RBFOX3: variants seen among roughly 807,000 people sequenced by gnomAD.
RBFOX3 encodes the protein RNA binding protein fox-1 homolog 3.
In RBFOX3, 17 loss-of-function variants were observed where a neutral mutation model predicts 48.7. The ratio of observed to expected loss-of-function variants is 0.35; its 90% confidence interval spans 0.24 to 0.52. RBFOX3 has a LOEUF of 0.52. Among genes scored for constraint, RBFOX3 ranks in the 20% least tolerant of loss-of-function variants. The pLI is 0.94. For synonymous variants in RBFOX3, 212 were observed against 209.5 expected (o/e 1.01, Z -0.10); for missense variants, 382 against 497.5 (o/e 0.77, Z 2.21).
intron 4 of RBFOX3, among the ~76,000 whole-genome samples, chr17:79,157,894 G>A (rs67762970): frequency 0.28 from 42,908 of 152,126 alleles, 7,897 homozygotes; most frequent in African/African-American, 0.53. Flanking sequence ...TGCAAGCTAG[G>A]ATGGGGCTAG....
chr17:79,617,995 G>A, the RBFOX3 span, among the ~76,000 whole-genome samples: 2 of 152,194 alleles, frequency 1.3e-5, no homozygotes, highest in African/African-American at 2.4e-5. Context: ...CTCCATATCA[G>A]TGCCCAGTGG....
intron 3 of RBFOX3, among the ~76,000 whole-genome samples, chr17:79,303,855 G>C (rs1190239453): frequency 6.7e-6 from 1 of 149,296 alleles, no homozygotes; most frequent in Non-Finnish European, 1.5e-5. Context: ...GTCTGCCTGT[G>C]TGTGTGTGTG....
At chr17:79,610,607 C>G (rs1290296273) in intron 1 of RBFOX3, among the ~76,000 whole-genome samples, 1 of 152,006 alleles carries the variant, frequency 6.6e-6, no homozygotes, top group African/African-American at 2.4e-5. Flanking sequence ...ACCCCAGCCC[C>G]GGAGGGACCC....
intron 2 of RBFOX3, among the ~76,000 whole-genome samples, chr17:79,388,595 C>A (rs1219894482): frequency 6.6e-6 from 1 of 152,186 alleles, no homozygotes; most frequent in Non-Finnish European, 1.5e-5. Flanking sequence ...CTCTGAGCGC[C>A]CCTGCTCCAG....
At chr17:79,560,812 G>A (rs1314527437) in intron 1 of RBFOX3, among the ~76,000 whole-genome samples, 3 of 152,200 alleles carry the variant, frequency 2.0e-5, no homozygotes, top group African/African-American at 7.2e-5. Context: ...CCTGTCACTG[G>A]GTGGCATGCG....
chr17:79,272,542 A>G (rs1485425048), intron 3 of RBFOX3, among the ~76,000 whole-genome samples: 1 of 152,154 alleles, frequency 6.6e-6, no homozygotes, highest in Non-Finnish European at 1.5e-5. Context: ...ACGCGGGGCC[A>G]CGCAGGTCCC....
intron 2 of RBFOX3, among the ~76,000 whole-genome samples, chr17:79,453,787 T>C (rs2073986829): frequency 6.6e-6 from 1 of 152,118 alleles, no homozygotes; most frequent in South Asian, 2.1e-4. Flanking sequence ...TCCCATGTTC[T>C]GCCAGCTCCC....
At chr17:79,149,893 A>G (rs2144731638) in intron 4 of RBFOX3, among the ~76,000 whole-genome samples, 1 of 143,308 alleles carries the variant, frequency 7.0e-6, no homozygotes, top group Non-Finnish European at 1.5e-5. Flanking sequence ...CAGGAGGGGG[A>G]CAGGTGTTAT....
At chr17:79,268,765 C>A (rs915999227) in intron 3 of RBFOX3, among the ~76,000 whole-genome samples, 1 of 152,154 alleles carries the variant, frequency 6.6e-6, no homozygotes. Flanking sequence ...TCCAGTAGCC[C>A]CCGGACCTCA....
intron 4 of RBFOX3, among the ~76,000 whole-genome samples, chr17:79,174,522 CACAG>C (rs776731854): frequency 9.9e-5 from 15 of 151,280 alleles, no homozygotes; most frequent in Non-Finnish European, 1.6e-4. Context: ...CTCACCGACT[CACAG>C]ACACATGCAC....
Position 79,242,784 on chromosome 17 carries a change from G to A in RBFOX3, c.-73-6979C>T, listed in dbSNP as rs2062578299. ...TACTGGGCCTCCACAGGGCAGCAGG[G>A]CAGGGCTTAGGGGTTATACGCCGTG... On this transcript the variant is annotated intron_variant, in intron 3 of 14. Coordinates refer to ENST00000693108, the MANE Select transcript of RBFOX3 (RefSeq NM_001350451.2). This position sits in a 1 kb window ranked among gnomAD's most constrained non-coding sequence, Gnocchi z 5.8. Among the ~76,000 whole-genome samples the A allele has an allele frequency of 6.6e-6, 1 of 152,150 alleles. No individual in the cohort carries two copies.
At position 79,472,701 on chromosome 17, in the gene RBFOX3, G is replaced by A. The variant is rs1023883551; in HGVS notation, c.-175+9753C>T. Among the ~76,000 whole-genome samples the A allele has an allele frequency of 7.2e-5, 11 of 152,250 alleles. No homozygotes were observed. In the South Asian group the frequency reaches 1.7e-3, roughly 23 times the overall value. ...GGGCTTCACCATGGCAGCCCAAGCC[G>A]ACCACACACCTCCCACATCTCATGA... is the stretch of plus-strand genomic sequence containing the variant. On this transcript the variant is annotated intron_variant, in intron 2 of 14. Coordinates refer to ENST00000693108, the MANE Select transcript of RBFOX3 (RefSeq NM_001350451.2).
At chr17:79,335,990 G>A (rs532277291) in intron 2 of RBFOX3, among the ~76,000 whole-genome samples, 8 of 152,280 alleles carry the variant, frequency 5.3e-5, no homozygotes, top group South Asian at 2.1e-4. Context: ...GTCTGCCTGC[G>A]CCGCTTCGTA....
Position 79,443,733 on chromosome 17 carries a change from T to C in RBFOX3, c.-175+38721A>G, listed in dbSNP as rs1424086329. 2.6e-5 allele frequency among the ~76,000 whole-genome samples: 4 copies of C among 152,192 alleles called. No homozygotes were observed. The highest frequency in any genetic ancestry group is 9.7e-5 in the African/African-American group (4 of 41,434). On this transcript the variant is annotated intron_variant, in intron 2 of 14. Transcript: ENST00000693108. This position sits in a 1 kb window ranked among gnomAD's most constrained non-coding sequence, Gnocchi z 4.4. ...CTCGTTCTCACATGCTCACACTACT[T>C]GGGATCGCAGCCTCTTCTCCCTTGT...
chr17:79,406,653 A>G (rs75560495), intron 2 of RBFOX3, among the ~76,000 whole-genome samples: 14,495 of 152,140 alleles, frequency 0.095, 862 homozygotes, highest in South Asian at 0.15. Flanking sequence ...GCTGAGTGTC[A>G]TTATCTCCCC....
intron 3 of RBFOX3, among the ~76,000 whole-genome samples, chr17:79,296,691 TTCC>T (rs2074397645): frequency 7.5e-6 from 1 of 133,826 alleles, no homozygotes; most frequent in Non-Finnish European, 1.6e-5. Flanking sequence ...CCTCCTCCCC[TTCC>T]TCCTCTTCCT....
In RBFOX3 at chr17:79,257,274, T is replaced by C. The variant is rs576047060; in HGVS notation, c.-73-21469A>G. 2.0e-5 allele frequency among the ~76,000 whole-genome samples: 3 copies of C among 152,340 alleles called. No homozygotes were observed. In the South Asian group the frequency reaches 6.2e-4, roughly 32 times the overall value. On this transcript the variant is annotated intron_variant, in intron 3 of 14. Transcript: ENST00000693108. ...CCCGAGCCCCGGGAGGTTTGTGCGGTTCCAGAGACACCAGCACAGGGATGC... is the reference window on the plus strand; with the variant it reads ...CCCGAGCCCCGGGAGGTTTGTGCGGCTCCAGAGACACCAGCACAGGGATGC...
chr17:79,364,015 CA>C lies in RBFOX3; in HGVS notation c.-174-56192del. ...CAGGCTTTATGGGGCTGTGCCTTCT[CA>C]AGCCTCAGCTCAGATGCCAGGTCCT... is the stretch of plus-strand genomic sequence containing the variant. On this transcript the variant is annotated intron_variant, in intron 2 of 14. Transcript: ENST00000693108. This position sits in a 1 kb window ranked among gnomAD's most constrained non-coding sequence, Gnocchi z 5.1. Among the ~76,000 whole-genome samples, 1 of 152,194 alleles carries C rather than the reference CA, an allele frequency of 6.6e-6. No homozygotes were observed. Among genetic ancestry groups the C allele is most frequent in the East Asian group, 1.9e-4 (1 of 5,190 alleles).
chr17:79,458,868 C>G (rs1169229631), intron 2 of RBFOX3, among the ~76,000 whole-genome samples: 3 of 152,244 alleles, frequency 2.0e-5, no homozygotes, highest in Non-Finnish European at 4.4e-5. Context: ...TCACACTCCC[C>G]TCCATCTCTG....
Sources: allele counts gnomAD v4.1 joint callset (sites outside exome capture counted in the v4.1 genomes callset), GRCh38; gene constraint gnomAD v4.1.1; non-coding constraint Gnocchi (gnomAD v3.1); transcripts MANE v1.5; gene names NCBI Gene and HGNC (gene_info 2026-07-23, HGNC 2026-07-21).